Variants in MDGA1 observed in about 807,000 individuals in gnomAD.
MDGA1 encodes the protein MAM domain-containing glycosylphosphatidylinositol anchor protein 1.
Under a neutral mutation model 101.5 loss-of-function variants are expected in MDGA1, and 54 were observed. The ratio of observed to expected loss-of-function variants is 0.53; its 90% CI spans 0.43 to 0.67. The LOEUF is 0.67. Ranked by LOEUF, MDGA1 falls within the 30% of genes least tolerant of loss-of-function variation. The probability of loss-of-function intolerance (pLI) is 0.00; values close to 1 mark genes in which losing one functional copy is unlikely to be tolerated. For synonymous variants in MDGA1, 533 were observed against 558.3 expected (o/e 0.95, Z 0.64); for missense variants, 1,083 against 1,323.8 (o/e 0.82, Z 2.82).
chr6:37,658,260 G>T lies in MDGA1; in HGVS notation c.367C>A (p.Arg123Ser). ...GVGVPAIKSI[R>S]VDVQYLDEPM... ...CTCAACTCACACTGCACGTCCACGC[G>T]GATGGACTTGATGGCCGGCACCCCC... Residue 123 changes from arginine to serine, a missense_variant, in exon 3 of 17, where the codon CGC becomes AGC. Around this residue, in one of 3 missense-constraint regions of MDGA1, gnomAD observed 310 missense variants for 355.9 expected, o/e 0.87. Coordinates refer to ENST00000434837, the MANE Select transcript of MDGA1 (RefSeq NM_153487.4). 1 of 1,603,034 alleles carries T rather than the reference G, an allele frequency of 6.2e-7. No homozygotes were observed. Among genetic ancestry groups the T allele is most frequent in the Non-Finnish European group, 8.5e-7 (1 of 1,174,710 alleles).
Position 37,649,187 on chromosome 6 carries a change from C to A in MDGA1, c.1689G>T (p.Leu563=). The change falls in exon 9 of 17, where the codon CTG becomes CTT. Residue 563 remains leucine, a synonymous_variant. Transcript: ENST00000434837. ...AGGCGATGCGCTGGGGGCTGCCTCG[C>A]AGCAGCGAGCAGCGCAGGAGCACGG... ...GRPVLLRCSL[L]RGSPQRIASA... is the part of the protein sequence containing the mutation. The A allele has an allele frequency of 6.7e-7, 1 of 1,500,228 alleles. No homozygotes were observed. Among genetic ancestry groups the A allele is most frequent in the Non-Finnish European group, 8.8e-7 (1 of 1,133,268 alleles). 92.9% of individuals were successfully genotyped at this position (1,500,228 alleles called of 1,614,324 possible).
At position 37,637,295 on chromosome 6, in the gene MDGA1, G is replaced by T; in HGVS notation, c.*73C>A. ...CCCCTGGGCACCCCAGCTGGCGGGG[G>T]TCAGTCTTTGGTACAATGTGGACAC... On this transcript the variant is annotated 3_prime_UTR_variant, in exon 17 of 17. Coordinates refer to ENST00000434837, the MANE Select transcript of MDGA1 (RefSeq NM_153487.4). 1 of 1,280,252 alleles carries T rather than the reference G, an allele frequency of 7.8e-7. No individual in the cohort carries two copies. Among genetic ancestry groups the T allele is most frequent in the Non-Finnish European group, 1.1e-6 (1 of 892,136 alleles). 79.3% of individuals were successfully genotyped at this position (1,280,252 alleles called of 1,614,324 possible). A position where few individuals can be genotyped will look rare whatever the true frequency, so the allele number is the denominator to read the frequency against.
chr6:37,668,938 C>T (rs546450073), intron 1 of MDGA1, among the ~76,000 whole-genome samples: 30 of 152,274 alleles, frequency 2.0e-4, no homozygotes, highest in African/African-American at 6.5e-4. Flanking sequence ...ACCTCTGCCT[C>T]CTGGGTTCAA....
intron 14 of MDGA1, 80 bp downstream of exon 14, chr6:37,643,729 C>T (rs1450484538): frequency 6.3e-7 from 1 of 1,575,372 alleles, no homozygotes; most frequent in East Asian, 2.2e-5. Flanking sequence ...CATGGGCCAG[C>T]CCATCGCCTC....
chr6:37,658,130 G>T, intron 3 of MDGA1, 115 bp downstream of exon 3: 1 of 1,226,070 alleles, frequency 8.2e-7, no homozygotes, highest in Non-Finnish European at 1.1e-6. Flanking sequence ...CCTCCACCAA[G>T]GTCAGCTTCT....
chr6:37,648,656 G>A, intron 9 of MDGA1: 1 of 411,918 alleles, frequency 2.4e-6, no homozygotes, highest in Non-Finnish European at 4.3e-6. Flanking sequence ...GGGCTGAGCT[G>A]TAATGGGCGG....
chr6:37,647,543 G>C (rs1312916786), intron 9 of MDGA1, among the ~76,000 whole-genome samples: 1 of 152,040 alleles, frequency 6.6e-6, no homozygotes, highest in Non-Finnish European at 1.5e-5. Flanking sequence ...TGGAGACAGG[G>C]AGATTGGAAA....
Position 37,632,557 on chromosome 6 carries a change from G to T in MDGA1, c.*4811C>A. 1 of 152,830 alleles carries T rather than the reference G, an allele frequency of 6.5e-6. No homozygotes were observed. The allele number at this position is 152,830 out of a possible 1,614,324, so 9.5% of individuals were successfully genotyped here. A position where few individuals can be genotyped will look rare whatever the true frequency, so the allele number is the denominator to read the frequency against. On this transcript the variant is annotated 3_prime_UTR_variant, in exon 17 of 17. Transcript: ENST00000434837. The stretch of plus-strand genomic sequence containing the variant: ...CTTTATTGATAGAACAACCGCGTCC[G>T]CAACTAGAGGTTACATTTGGGGGCT...
At position 37,635,793 on chromosome 6, in the gene MDGA1, G is replaced by A; in HGVS notation, c.*1575C>T. The A allele has an allele frequency of 5.0e-6, 2 of 398,334 alleles. No homozygotes were observed. Among genetic ancestry groups the A allele is most frequent in the Non-Finnish European group, 8.8e-6 (2 of 226,102 alleles). 24.7% of individuals were successfully genotyped at this position (398,334 alleles called of 1,614,324 possible). ...TAGGGGATGAAAGGTGGAATTTCAG[G>A]CCATCGCAGGCAGCTTGAGACTACA... On this transcript the variant is annotated 3_prime_UTR_variant, in exon 17 of 17. Transcript: ENST00000434837.
At chr6:37,664,842 G>GACAGACACACACACACACACACAC in intron 1 of MDGA1, among the ~76,000 whole-genome samples, 1 of 55,228 alleles carries the variant, frequency 1.8e-5, no homozygotes. Flanking sequence ...CCTAACCTAA[G>GACAGACACACACACACACACACAC]ACACACACAC....
intron 1 of MDGA1, among the ~76,000 whole-genome samples, chr6:37,679,507 A>G (rs768289432): frequency 5.9e-5 from 9 of 152,144 alleles, no homozygotes; most frequent in Non-Finnish European, 1.2e-4. Context: ...TGGGAGGAGG[A>G]CTGGAATTCT....
At chr6:37,637,596 C>T (rs1228066411) in intron 16 of MDGA1, 137 bp from the exon 17 acceptor site, 2 of 671,468 alleles carry the variant, frequency 3.0e-6, no homozygotes, top group Non-Finnish European at 5.2e-6. Context: ...CCTCAGTGCA[C>T]ACAGACAAAC....
At chr6:37,674,043 T>G (rs1021020553) in intron 1 of MDGA1, among the ~76,000 whole-genome samples, 11 of 152,210 alleles carry the variant, frequency 7.2e-5, no homozygotes, top group African/African-American at 2.2e-4. Flanking sequence ...ATGTGAAATC[T>G]CCTGCCCTCA....
intron 1 of MDGA1, among the ~76,000 whole-genome samples, chr6:37,695,472 C>A (rs1311031980): frequency 6.6e-6 from 1 of 152,212 alleles, no homozygotes; most frequent in East Asian, 1.9e-4. Flanking sequence ...TGGCCAGATG[C>A]CTGGGCTAGT....
At chr6:37,692,156 A>C (rs1228156032) in intron 1 of MDGA1, among the ~76,000 whole-genome samples, 1 of 152,150 alleles carries the variant, frequency 6.6e-6, no homozygotes, top group Non-Finnish European at 1.5e-5. Context: ...GAGCCCAGGA[A>C]AGGCAAGATG....
chr6:37,645,209 G>T lies in MDGA1; in HGVS notation c.2249-560C>A, dbSNP rs115742576. 2.8e-3 allele frequency among the ~76,000 whole-genome samples: 428 copies of T among 152,306 alleles called. 2 individuals carry two copies. Among genetic ancestry groups the T allele is most frequent in the African/African-American group, 9.8e-3 (407 of 41,572 alleles). ...TCCTCCATTCATCATTGAAGGGGATGTTAAATTTCTGCTAGAAGACATGGA... is the reference window on the plus strand; with the variant it reads ...TCCTCCATTCATCATTGAAGGGGATTTTAAATTTCTGCTAGAAGACATGGA... On this transcript the variant is annotated intron_variant, in intron 12 of 16. Transcript: ENST00000434837.
intron 1 of MDGA1, among the ~76,000 whole-genome samples, chr6:37,687,400 TAA>T (rs549945070): frequency 7.8e-5 from 10 of 128,896 alleles, no homozygotes; most frequent in Admixed American, 1.5e-4. Context: ...TACTAAAAAT[TAA>T]AAAAAAAAAA....
chr6:37,642,386 G>C (rs907162361), intron 14 of MDGA1, among the ~76,000 whole-genome samples: 1 of 151,922 alleles, frequency 6.6e-6, no homozygotes. Context: ...TAGCCAGGCT[G>C]GTCTCGAACT....
chr6:37,652,213 C>T lies in MDGA1; in HGVS notation c.1110G>A (p.Gln370=), dbSNP rs756233362. 5 of 1,614,068 alleles carry T rather than the reference C, an allele frequency of 3.1e-6. No individual in the cohort carries two copies. The highest frequency in any genetic ancestry group is 3.3e-5 in the Admixed American group (2 of 60,028). The change falls in exon 7 of 17, where the codon CAG becomes CAA. Residue 370 remains glutamine (Q), a synonymous_variant. Transcript: ENST00000434837. This position sits in a 1 kb window ranked among gnomAD's most constrained non-coding sequence, Gnocchi z 4.3. ...GTGCCGGCTTGCCATTCTTGAACCACTGGTAGGTCACCTTCTCCTGGGGCA... is the reference window on the plus strand; with the variant it reads ...GTGCCGGCTTGCCATTCTTGAACCATTGGTAGGTCACCTTCTCCTGGGGCA... The part of the protein sequence containing the change: ...DAVPQEKVTY[Q]WFKNGKPARM...
Sources: allele counts gnomAD v4.1 joint callset (sites outside exome capture counted in the v4.1 genomes callset), GRCh38; gene constraint gnomAD v4.1.1; regional missense constraint gnomAD v4.1.1; non-coding constraint Gnocchi (gnomAD v3.1); transcripts MANE v1.5; gene names NCBI Gene and HGNC (gene_info 2026-07-23, HGNC 2026-07-21).